Variants in MORC4 observed in about 807,000 individuals in gnomAD.
MORC4 encodes MORC family CW-type zinc finger 4, also known as MORC family CW-type zinc finger protein 4.
MORC4 carries 22 observed loss-of-function variants against 65.5 expected under a neutral mutation model. The observed-to-expected ratio is 0.34, with a 90% CI of 0.24 to 0.48. MORC4 has a LOEUF of 0.48. MORC4 is among the 20% of genes least tolerant of loss of function. The pLI is 0.99. For synonymous variants in MORC4, 267 were observed against 255.8 expected (o/e 1.04, Z -0.42); for missense variants, 624 against 703.0 (o/e 0.89, Z 1.27).
In MORC4 at chrX:106,985,138, G is replaced by A. The variant is rs1158680358; in HGVS notation, c.632C>T (p.Pro211Leu). 12 of 1,203,548 alleles carry A rather than the reference G, an allele frequency of 1.0e-5. No individual in the cohort carries two copies. In the Admixed American group the frequency reaches 2.6e-4, roughly 26 times the overall value. Residue 211 changes from proline to leucine, a missense_variant, in exon 5 of 17, where the codon CCA becomes CTA. Pro to Leu is a moderately conservative substitution (Grantham distance 98, BLOSUM62 -3). Coordinates refer to ENST00000355610, the MANE Select transcript of MORC4 (RefSeq NM_024657.5). ...GAGAACACGAGTGCCTTTTTTGCCT[G>A]GGATGGCATCAAACTGGGCCAGCAG... is the stretch of plus-strand genomic sequence containing the variant. ...NDLLAQFDAI[P>L]GKKGTRVLIW... is the part of the protein sequence containing the mutation.
chrX:106,945,211 C>T (rs1364926809), intron 14 of MORC4, among the ~76,000 whole-genome samples: 2 of 111,271 alleles, frequency 1.8e-5, no homozygotes, highest in African/African-American at 3.3e-5. Context: ...CTCAAGGTGG[C>T]TAGTAAGTAT....
At position 106,969,747 on chromosome X, in the gene MORC4, G is replaced by A. The variant is rs182726429; in HGVS notation, c.1157+6837C>T. ...TCTAGAAGAAATGGATAAATTCCTC[G>A]ACACATACACCCTCCTAAGTGTAAA... On this transcript the variant is annotated intron_variant, in intron 9 of 16. Coordinates refer to ENST00000355610, the MANE Select transcript of MORC4 (RefSeq NM_024657.5). 3.6e-4 allele frequency among the ~76,000 whole-genome samples: 40 copies of A among 111,623 alleles called. No individual in the cohort carries two copies. In the East Asian group the frequency reaches 9.3e-3, roughly 26 times the overall value.
intron 8 of MORC4, among the ~76,000 whole-genome samples, chrX:106,977,202 A>T (rs1934643725): frequency 8.9e-6 from 1 of 111,980 alleles, no homozygotes. Flanking sequence ...ATTAATTACA[A>T]GTTGACGCAA....
intron 15 of MORC4, 122 bp downstream of exon 15, chrX:106,942,393 C>T: frequency 2.3e-6 from 2 of 866,468 alleles, no homozygotes; most frequent in Non-Finnish European, 3.2e-6. Flanking sequence ...AAACACACCA[C>T]AGAATAGTTC....
chrX:106,949,982 G>A (rs1933934492), intron 14 of MORC4, among the ~76,000 whole-genome samples: 1 of 111,882 alleles, frequency 8.9e-6, no homozygotes, highest in Non-Finnish European at 1.9e-5. Flanking sequence ...GAGTAACATC[G>A]TTCAGCCAGT....
At chrX:106,942,309 T>C in intron 15 of MORC4, 88 bp from the exon 16 acceptor site, 5 of 1,047,937 alleles carry the variant, frequency 4.8e-6, no homozygotes, top group Non-Finnish European at 6.4e-6. Context: ...GATTCCACTA[T>C]ACATATTCCT....
chrX:106,941,103 G>A lies in MORC4; in HGVS notation c.*376C>T, dbSNP rs1933661140. 1 of 135,624 alleles carries A rather than the reference G, an allele frequency of 7.4e-6. No individual in the cohort carries two copies. The highest frequency in any genetic ancestry group is 3.2e-5 in the African/African-American group (1 of 31,640). The allele number at this position is 135,624 out of a possible 1,213,427, so 11.2% of individuals were successfully genotyped here. Reference sequence around the variant, plus strand: ...GTTAGCTTACCCCAAAATAATACCTGGTATACCGGACCCAATATCTGCTGA... The same window carrying A: ...GTTAGCTTACCCCAAAATAATACCTAGTATACCGGACCCAATATCTGCTGA... On this transcript the variant is annotated 3_prime_UTR_variant, in exon 17 of 17. Coordinates refer to ENST00000355610, the MANE Select transcript of MORC4 (RefSeq NM_024657.5).
At chrX:106,962,683 G>A (rs922103943) in intron 9 of MORC4, among the ~76,000 whole-genome samples, 5 of 111,934 alleles carry the variant, frequency 4.5e-5, no homozygotes, top group African/African-American at 6.5e-5. Context: ...CCACATAGCC[G>A]TTACTGGAGG....
intron 14 of MORC4, among the ~76,000 whole-genome samples, chrX:106,946,798 C>T (rs1028090149): frequency 9.0e-6 from 1 of 111,256 alleles, no homozygotes; most frequent in East Asian, 2.8e-4. Flanking sequence ...CAGGCATACA[C>T]GCCCAGCTAA....
At chrX:106,996,279 T>C (rs909754702) in intron 2 of MORC4, among the ~76,000 whole-genome samples, 4 of 107,144 alleles carry the variant, frequency 3.7e-5, no homozygotes, top group African/African-American at 1.4e-4. Flanking sequence ...AGCTCAACAT[T>C]TTATCTCCTT....
rs1934861894 is a variant in MORC4 at position 106,986,010 on chromosome X, G to T, written c.499C>A (p.Pro167Thr). 8.3e-7 allele frequency: 1 copy of T among 1,208,644 alleles called. No homozygotes were observed. The highest frequency in any genetic ancestry group is 1.1e-6 in the Non-Finnish European group (1 of 893,404). The change falls in exon 4 of 17, where the codon CCA (proline) becomes ACA (threonine). Residue 167 changes from proline (P) to threonine (T), a missense_variant. Pro to Thr is a conservative substitution (Grantham distance 38, BLOSUM62 -1). Coordinates refer to ENST00000355610, the MANE Select transcript of MORC4 (RefSeq NM_024657.5). The part of the protein sequence containing the change: ...ECVQAQAVIV[P>T]IVPFNQQNKK... The stretch of plus-strand genomic sequence containing the variant: ...TTTTGCTGGTTGAATGGAACAATTG[G>T]TACAATAACTGCCTGGGCCTGGACA...
At chrX:106,959,413 T>A (rs974147313) in intron 10 of MORC4, among the ~76,000 whole-genome samples, 1 of 112,100 alleles carries the variant, frequency 8.9e-6, no homozygotes, top group Admixed American at 9.5e-5. Flanking sequence ...TAGGATGAGA[T>A]TTATGCATGT....
chrX:106,964,932 C>T (rs1351546042), intron 9 of MORC4, among the ~76,000 whole-genome samples: 1 of 108,617 alleles, frequency 9.2e-6, no homozygotes, highest in Non-Finnish European at 1.9e-5. Flanking sequence ...TAGCTTGAAC[C>T]GGGAAGGGGA....
chrX:106,959,943 C>A (rs1464830940), intron 10 of MORC4, among the ~76,000 whole-genome samples: 2 of 112,670 alleles, frequency 1.8e-5, no homozygotes, highest in Non-Finnish European at 3.8e-5. Flanking sequence ...CATAATTCTA[C>A]CACTGAAATA....
chrX:106,954,228 A>G (rs767087148), intron 14 of MORC4, among the ~76,000 whole-genome samples: 1 of 112,668 alleles, frequency 8.9e-6, no homozygotes, highest in East Asian at 2.8e-4. Context: ...GAGAAGAGAA[A>G]GCAAGGAGTC....
rs73247969 is a variant in MORC4, at chrX:106,952,187, G to T, written c.1685+2726C>A. Among the ~76,000 whole-genome samples the T allele has an allele frequency of 9.4e-3, 1,038 of 110,500 alleles. 8 individuals carry two copies. The highest frequency in any genetic ancestry group is 0.016 in the Non-Finnish European group (827 of 52,868). On this transcript the variant is annotated intron_variant, in intron 14 of 16. Transcript: ENST00000355610. ...ACAGTCGTGCATTACTTAATGATGG[G>T]CATACGCTCTGAGAAATCCATTGTT... is the stretch of plus-strand genomic sequence containing the variant.
Position 106,993,247 on chromosome X carries a change from T to C in MORC4, c.291A>G (p.Lys97=). 1 of 1,210,406 alleles carries C rather than the reference T, an allele frequency of 8.3e-7. No homozygotes were observed. Among genetic ancestry groups the C allele is most frequent in the Non-Finnish European group, 1.1e-6 (1 of 894,497 alleles). Reference sequence around the variant, plus strand: ...ATTTTTACCTGAGCATTCGGTGTAGTTTATGAGGTGTCATCCCACATCCAT... The same window carrying C: ...ATTTTTACCTGAGCATTCGGTGTAGCTTATGAGGTGTCATCCCACATCCAT... The part of the protein sequence containing the change: ...TDDGCGMTPH[K]LHRMLSFGFT... Residue 97 remains lysine, a synonymous_variant, in exon 3 of 17, where the codon AAA becomes AAG. Coordinates refer to ENST00000355610, the MANE Select transcript of MORC4 (RefSeq NM_024657.5).
intron 2 of MORC4, among the ~76,000 whole-genome samples, chrX:106,997,219 T>A (rs1312272421): frequency 8.9e-6 from 1 of 112,327 alleles, no homozygotes. Flanking sequence ...CTCCCTCTCC[T>A]TTACCCTATG....
chrX:106,968,918 C>T (rs760063153), intron 9 of MORC4, among the ~76,000 whole-genome samples: 1 of 111,065 alleles, frequency 9.0e-6, no homozygotes, highest in East Asian at 2.8e-4. Flanking sequence ...CAACGTTAGA[C>T]AGATCAACAA....
Sources: gnomAD v4.1 joint callset for allele counts (sites outside exome capture counted in the v4.1 genomes callset) on GRCh38, gnomAD v4.1.1 for gene constraint, MANE v1.5 for transcripts, NCBI Gene and HGNC (gene_info 2026-07-23, HGNC 2026-07-21) for gene names.